Variants in ITGB5 observed in about 807,000 individuals in gnomAD.
ITGB5 encodes the protein integrin subunit beta 5.
ITGB5 carries 38 observed loss-of-function variants against 84.8 expected under a neutral mutation model. The ratio of observed to expected loss-of-function variants is 0.45; its 90% CI spans 0.35 to 0.59. The LOEUF is 0.59. ITGB5 is among the 20% of genes least tolerant of loss of function. ITGB5 has a pLI of 0.01. For synonymous variants in ITGB5, 393 were observed against 414.4 expected (o/e 0.95, Z 0.63); for missense variants, 905 against 1,034.5 (o/e 0.87, Z 1.72).
chr3:124,843,348 C>G (rs2065035356), intron 4 of ITGB5, among the ~76,000 whole-genome samples: 1 of 152,134 alleles, frequency 6.6e-6, no homozygotes, highest in South Asian at 2.1e-4. Flanking sequence ...TTTAGGACTT[C>G]AGGTGTGTGG....
chr3:124,837,602 A>C (rs574814695), intron 5 of ITGB5, among the ~76,000 whole-genome samples: 1 of 152,342 alleles, frequency 6.6e-6, no homozygotes, highest in East Asian at 1.9e-4. Context: ...AAATGGAATG[A>C]ATCCTAAATA....
intron 10 of ITGB5, among the ~76,000 whole-genome samples, chr3:124,781,879 C>T (rs1251065413): frequency 6.6e-6 from 1 of 152,188 alleles, no homozygotes; most frequent in African/African-American, 2.4e-5. Context: ...AGCAGTGCTG[C>T]CGTGCAACCT....
intron 1 of ITGB5, among the ~76,000 whole-genome samples, chr3:124,878,182 A>G (rs1934410942): frequency 6.6e-6 from 1 of 152,184 alleles, no homozygotes; most frequent in Non-Finnish European, 1.5e-5. Flanking sequence ...ACAACACTTT[A>G]TAATTACCAG....
chr3:124,829,416 C>T (rs1189688439), intron 5 of ITGB5, among the ~76,000 whole-genome samples: 2 of 152,238 alleles, frequency 1.3e-5, no homozygotes, highest in South Asian at 2.1e-4. Flanking sequence ...GTCAGGGCTG[C>T]GAGTCCTGTC....
chr3:124,829,993 T>G (rs577414810), intron 5 of ITGB5, among the ~76,000 whole-genome samples: 81 of 151,964 alleles, frequency 5.3e-4, no homozygotes, highest in African/African-American at 1.9e-3. Flanking sequence ...CTGAGAAAAT[T>G]AACAAAAATG....
chr3:124,824,997 G>A (rs1194411556), intron 5 of ITGB5, among the ~76,000 whole-genome samples: 1 of 152,118 alleles, frequency 6.6e-6, no homozygotes, highest in Non-Finnish European at 1.5e-5. Flanking sequence ...AGAAGATCGA[G>A]ACCATCCTGG....
In ITGB5 at chr3:124,773,748, C is replaced by T. The variant is rs1243298041; in HGVS notation, c.1858G>A (p.Ala620Thr). The change falls in exon 11 of 15, where the codon GCC becomes ACC. Residue 620 changes from alanine (A) to threonine (T), a missense_variant. Around this residue, in one of 3 missense-constraint regions of ITGB5, gnomAD observed 116 missense variants for 177.0 expected, o/e 0.66. Transcript: ENST00000296181. Reference protein sequence around the residue: ...CGQCQCTEPGAFGEMCEKCPT... With the variant: ...CGQCQCTEPGTFGEMCEKCPT... ...CACTTCTCACACATCTCCCCAAAGG[C>T]CCCCGGCTCCGTGCATTGGCACTGC... 2 of 1,612,828 alleles carry T rather than the reference C, an allele frequency of 1.2e-6. No individual in the cohort carries two copies. The highest frequency in any genetic ancestry group is 2.2e-5 in the South Asian group (2 of 91,020).
intron 3 of ITGB5, among the ~76,000 whole-genome samples, chr3:124,851,709 A>G (rs990221035): frequency 1.3e-5 from 2 of 152,132 alleles, no homozygotes; most frequent in African/African-American, 2.4e-5. Flanking sequence ...TTTTCCAGAA[A>G]GAGAGGGATG....
At chr3:124,812,409 C>T (rs1208028741) in intron 8 of ITGB5, among the ~76,000 whole-genome samples, 1 of 152,122 alleles carries the variant, frequency 6.6e-6, no homozygotes, top group Non-Finnish European at 1.5e-5. Context: ...TGGGTGGGAG[C>T]AGACTTTATG....
intron 1 of ITGB5, among the ~76,000 whole-genome samples, chr3:124,879,690 T>C (rs1414320178): frequency 6.6e-6 from 1 of 152,168 alleles, no homozygotes; most frequent in Non-Finnish European, 1.5e-5. Flanking sequence ...ATGAGCATGC[T>C]CTCTGTATTG....
chr3:124,769,792 G>A (rs758660222), intron 11 of ITGB5: 15 of 152,200 alleles, frequency 9.9e-5, no homozygotes, highest in African/African-American at 3.6e-4. Flanking sequence ...CCACGAATCA[G>A]TCTACACTAG....
intron 2 of ITGB5, among the ~76,000 whole-genome samples, chr3:124,861,350 C>T (rs1328337922): frequency 6.6e-6 from 1 of 151,622 alleles, no homozygotes; most frequent in African/African-American, 2.4e-5. Flanking sequence ...GTGGCTCATG[C>T]CAGCATTTTA....
At chr3:124,872,548 C>T (rs73199542) in intron 2 of ITGB5, among the ~76,000 whole-genome samples, 18 of 152,288 alleles carry the variant, frequency 1.2e-4, no homozygotes, top group Non-Finnish European at 2.2e-4. Flanking sequence ...TGAGCCATCT[C>T]TTGGTCCTCC....
chr3:124,795,988 C>A (rs2064216586), intron 10 of ITGB5, among the ~76,000 whole-genome samples: 1 of 152,160 alleles, frequency 6.6e-6, no homozygotes, highest in Admixed American at 6.5e-5. Context: ...ATGGGAGCAG[C>A]AATAAGATAT....
At chr3:124,796,921 C>G (rs369795460) in intron 9 of ITGB5, 104 bp from the exon 10 acceptor site, 1 of 1,113,388 alleles carries the variant, frequency 9.0e-7, no homozygotes, top group East Asian at 2.6e-5. Context: ...AACTCCAGCC[C>G]TCTCCACGCA....
intron 10 of ITGB5, among the ~76,000 whole-genome samples, chr3:124,775,535 C>T (rs2063914336): frequency 6.6e-6 from 1 of 152,142 alleles, no homozygotes; most frequent in African/African-American, 2.4e-5. Context: ...AGAGGCAGAA[C>T]GCAGTGCTAC....
intron 1 of ITGB5, among the ~76,000 whole-genome samples, chr3:124,881,840 C>A (rs1038211562): frequency 6.6e-6 from 1 of 152,052 alleles, no homozygotes. Context: ...CGGTGGTGTA[C>A]GCCTGTAATC....
intron 5 of ITGB5, among the ~76,000 whole-genome samples, chr3:124,829,288 C>G (rs987212331): frequency 6.6e-6 from 1 of 152,168 alleles, no homozygotes; most frequent in Non-Finnish European, 1.5e-5. Flanking sequence ...TTAAGTAAAG[C>G]CAAAATGTAA....
intron 10 of ITGB5, among the ~76,000 whole-genome samples, chr3:124,783,857 A>G (rs533252420): frequency 2.0e-5 from 3 of 152,276 alleles, no homozygotes; most frequent in South Asian, 4.1e-4. Flanking sequence ...CTCTTTAGAG[A>G]TACAAACAAT....
Sources: allele counts gnomAD v4.1 joint callset (sites outside exome capture counted in the v4.1 genomes callset), GRCh38; gene constraint gnomAD v4.1.1; regional missense constraint gnomAD v4.1.1; transcripts MANE v1.5; gene names NCBI Gene and HGNC (gene_info 2026-07-23, HGNC 2026-07-21).